Variants in RSF1 observed in about 807,000 individuals in gnomAD.
RSF1 encodes the protein remodeling and spacing factor 1.
A neutral mutation model predicts 145.2 loss-of-function variants in RSF1; 13 were observed. The observed-to-expected ratio is 0.09, with a 90% CI of 0.06 to 0.14. RSF1 has a LOEUF of 0.14. Among genes scored for constraint, RSF1 ranks in the 10% least tolerant of loss-of-function variants. The pLI, the probability that RSF1 is intolerant of heterozygous loss-of-function variation, is 1.00. For synonymous variants in RSF1, 577 were observed against 592.6 expected (o/e 0.97, Z 0.38); for missense variants, 1,517 against 1,718.2 (o/e 0.88, Z 2.07).
the RSF1 span, among the ~76,000 whole-genome samples, chr11:77,871,442 C>T: frequency 2.0e-5 from 3 of 151,994 alleles, no homozygotes; most frequent in Admixed American, 6.6e-5. Flanking sequence ...AGGTTCATGC[C>T]CCTCATGGAT....
intron 9 of RSF1, among the ~76,000 whole-genome samples, chr11:77,686,558 C>T (rs1457372550): frequency 6.6e-6 from 1 of 151,848 alleles, no homozygotes; most frequent in African/African-American, 2.4e-5. Flanking sequence ...TTGTAATGTT[C>T]CTTATATAAG....
upstream of RSF1, among the ~76,000 whole-genome samples, chr11:77,821,931 G>A (rs949930425): frequency 1.3e-5 from 2 of 152,022 alleles, no homozygotes; most frequent in Non-Finnish European, 2.9e-5. Context: ...AGAGTGGGGT[G>A]ATAATAGTAC....
intron 4 of RSF1, among the ~76,000 whole-genome samples, chr11:77,737,874 A>T (rs1473608549): frequency 6.6e-6 from 1 of 152,354 alleles, no homozygotes; most frequent in African/African-American, 2.4e-5. Context: ...TCACGCCTGT[A>T]ATCCCAGCAC....
the RSF1 span, chr11:77,866,350 C>T: frequency 6.6e-6 from 1 of 152,172 alleles, no homozygotes; most frequent in African/African-American, 2.4e-5. Flanking sequence ...CAGAATCAGA[C>T]ACTCAATAGG....
the RSF1 span, among the ~76,000 whole-genome samples, chr11:77,868,058 C>CTTTT: frequency 4.4e-5 from 6 of 137,090 alleles, no homozygotes; most frequent in East Asian, 2.1e-4. Context: ...TCCTCTGAGC[C>CTTTT]TTTTTTTTTT....
At chr11:77,668,540 T>C (rs559305512) in intron 15 of RSF1, among the ~76,000 whole-genome samples, 1 of 152,174 alleles carries the variant, frequency 6.6e-6, no homozygotes, top group Non-Finnish European at 1.5e-5. Flanking sequence ...TTTGTCTATA[T>C]AGTTGGGCCC....
At chr11:77,737,666 G>GTGTGTT in intron 4 of RSF1, among the ~76,000 whole-genome samples, 1 of 148,488 alleles carries the variant, frequency 6.7e-6, no homozygotes, top group South Asian at 2.1e-4. Context: ...GTGTGTGTGT[G>GTGTGTT]TTTAAAAAGA....
the RSF1 span, among the ~76,000 whole-genome samples, chr11:77,858,403 C>CGGCTCGAATGCT: frequency 0.17 from 24,619 of 146,414 alleles, 2,491 homozygotes; most frequent in African/African-American, 0.27. Context: ...TTGCCATTGC[C>CGGCTCGAATGCT]GGCTCGAATG....
At chr11:77,710,673 T>C (rs910471859) in intron 5 of RSF1, among the ~76,000 whole-genome samples, 1 of 152,234 alleles carries the variant, frequency 6.6e-6, no homozygotes, top group Admixed American at 6.5e-5. Context: ...ATTTCTCTTT[T>C]TATTAGCAGA....
intron 2 of RSF1, among the ~76,000 whole-genome samples, chr11:77,761,602 T>C (rs1948172645): frequency 6.6e-6 from 1 of 152,152 alleles, no homozygotes; most frequent in Non-Finnish European, 1.5e-5. Context: ...TTTAGCATAG[T>C]GGTATTCATT....
chr11:77,779,124 C>T (rs1205274334), intron 1 of RSF1, among the ~76,000 whole-genome samples: 4 of 151,366 alleles, frequency 2.6e-5, no homozygotes, highest in East Asian at 2.0e-4. Context: ...TTGTATTTTT[C>T]GTAGAGACAC....
chr11:77,846,367 A>G, the RSF1 span, among the ~76,000 whole-genome samples: 1 of 152,186 alleles, frequency 6.6e-6, no homozygotes. Flanking sequence ...GCCTGTGATC[A>G]CAGCACTTTG....
the RSF1 span, among the ~76,000 whole-genome samples, chr11:77,854,472 T>C: frequency 6.6e-6 from 1 of 152,202 alleles, no homozygotes; most frequent in African/African-American, 2.4e-5. Flanking sequence ...AAGTGAGAAA[T>C]TATCCAAAAC....
At position 77,700,849 on chromosome 11, in the gene RSF1, G is replaced by C. The variant is rs1358288252; in HGVS notation, c.2380C>G (p.Gln794Glu). 1 of 1,613,176 alleles carries C rather than the reference G, an allele frequency of 6.2e-7. No homozygotes were observed. Among genetic ancestry groups the C allele is most frequent in the African/African-American group, 1.3e-5 (1 of 74,904 alleles). The change falls in exon 6 of 16, where the codon CAG (glutamine) becomes GAG (glutamate). Residue 794 changes from glutamine (Q) to glutamate (E), a missense_variant. Gln to Glu is a conservative substitution (Grantham distance 29). Around this residue, in one of 12 missense-constraint regions of RSF1, gnomAD observed 579 missense variants for 553.5 expected, o/e 1.05. Transcript: ENST00000308488. ...PTAKVAEIRDQKADKKRGEGE... is the reference protein window; with the variant it reads ...PTAKVAEIRDEKADKKRGEGE... The stretch of plus-strand genomic sequence containing the variant: ...TCCCCTCTTTTTTTATCAGCTTTCT[G>C]ATCTCTGATCTCAGCCACTTTTGCA...
chr11:77,691,288 A>C lies in RSF1; in HGVS notation c.2821-50T>G, dbSNP rs1374494833. 4.7e-6 allele frequency: 7 copies of C among 1,498,614 alleles called. No homozygotes were observed. The Admixed American group carries it at 1.2e-4, about 25-fold the overall frequency. 92.8% of individuals were successfully genotyped at this position (1,498,614 alleles called of 1,614,324 possible). A position where few individuals can be genotyped will look rare whatever the true frequency, so the allele number is the denominator to read the frequency against. On this transcript the variant is annotated intron_variant, in intron 8 of 15. Coordinates refer to ENST00000308488, the MANE Select transcript of RSF1 (RefSeq NM_016578.4). ...TCATTTTAAACAACTTTTAGCAATC[A>C]TTTATTACATACATGTTAACTTCAT...
Position 77,740,869 on chromosome 11 carries a change from T to A in RSF1, c.440A>T (p.Asp147Val), listed in dbSNP as rs748364131. The change falls in exon 4 of 16, where the codon GAT becomes GTT. Residue 147 changes from aspartate (D) to valine (V), a missense_variant. Asp to Val is a radical substitution (Grantham distance 152). Around this residue, in one of 12 missense-constraint regions of RSF1, gnomAD observed 94 missense variants for 143.6 expected, o/e 0.65. Transcript: ENST00000308488. Reference protein sequence around the residue: ...FKNIINEEDADTMRLQPIGRD... With the variant: ...FKNIINEEDAVTMRLQPIGRD... ...ACCAATTGGCTGGAGACGCATAGTA[T>A]CGGCATCCTCCTCATTAATAATATT... is the stretch of plus-strand genomic sequence containing the variant. 1.9e-6 allele frequency: 3 copies of A among 1,614,166 alleles called. No individual in the cohort carries two copies. The highest frequency in any genetic ancestry group is 3.3e-5 in the Admixed American group (2 of 60,030).
intron 2 of RSF1, among the ~76,000 whole-genome samples, chr11:77,758,430 C>G (rs1176103849): frequency 1.3e-5 from 2 of 152,156 alleles, no homozygotes; most frequent in African/African-American, 4.8e-5. Flanking sequence ...ATACAAAGAT[C>G]TGCTTGAGTC....
upstream of RSF1, among the ~76,000 whole-genome samples, chr11:77,824,585 T>A (rs1949082153): frequency 1.3e-5 from 2 of 152,126 alleles, no homozygotes; most frequent in African/African-American, 4.8e-5. Flanking sequence ...CCTGGGTGAA[T>A]CTTAAAAACA....
intron 5 of RSF1, among the ~76,000 whole-genome samples, chr11:77,719,695 A>G (rs1960900172): frequency 6.6e-6 from 1 of 152,246 alleles, no homozygotes; most frequent in Admixed American, 6.5e-5. Context: ...AAAAATCCAA[A>G]TGTCCATCAA....
Sources: allele counts gnomAD v4.1 joint callset (sites outside exome capture counted in the v4.1 genomes callset), GRCh38; gene constraint gnomAD v4.1.1; regional missense constraint gnomAD v4.1.1; transcripts MANE v1.5; gene names NCBI Gene and HGNC (gene_info 2026-07-23, HGNC 2026-07-21).